Variants in DOCK8 observed in about 807,000 individuals in gnomAD.
DOCK8 encodes the protein dedicator of cytokinesis protein 8.
In DOCK8, 141 loss-of-function variants were observed where a neutral mutation model predicts 245.6. That is an observed-to-expected ratio of 0.57 (90% CI 0.50 to 0.66). The LOEUF is 0.66. Ranked by LOEUF, DOCK8 falls within the 30% of genes least tolerant of loss-of-function variation. The probability of loss-of-function intolerance (pLI) is 0.00; values close to 1 mark genes in which losing one functional copy is unlikely to be tolerated. For synonymous variants in DOCK8, 1,168 were observed against 970.2 expected, an observed-to-expected ratio of 1.20 and a Z score of -3.79; for missense variants, 2,965 against 2,603.4, an observed-to-expected ratio of 1.14 and a Z score of -3.02.
intron 42 of DOCK8, 32 bp downstream of exon 42, chr9:442,041 G>A (rs768416158): frequency 5.0e-6 from 8 of 1,612,602 alleles, no homozygotes; most frequent in South Asian, 1.1e-5. Context: ...GCCTGACCTG[G>A]TACACTTTAC....
chr9:277,345 A>G (rs868101219), intron 2 of DOCK8, among the ~76,000 whole-genome samples: 2 of 152,036 alleles, frequency 1.3e-5, no homozygotes, highest in Middle Eastern at 3.4e-3. Context: ...GGATCACTTG[A>G]ACTCAGGAGT....
intron 1 of DOCK8, chr9:268,286 A>T (rs1291561139): frequency 6.6e-6 from 1 of 152,202 alleles, no homozygotes; most frequent in African/African-American, 2.4e-5. Context: ...GTAGGGAGAG[A>T]AAATAGGAGT....
intron 28 of DOCK8, 139 bp downstream of exon 28, chr9:407,208 T>C (rs1202517677): frequency 1.5e-6 from 2 of 1,334,912 alleles, no homozygotes; most frequent in African/African-American, 2.9e-5. Context: ...ACATCTGTCT[T>C]GAGAATATGG....
In DOCK8 at chr9:307,329, GTTTTTTTTGTTTTTTTTTTTTTTTT is replaced by G. The variant is rs1215274095; in HGVS notation, c.528+2634_528+2658del. 3.7e-3 allele frequency among the ~76,000 whole-genome samples: 277 copies of G among 75,120 alleles called. 24 individuals carry two copies. Among genetic ancestry groups the G allele is most frequent in the South Asian group, 0.03 (55 of 1,840 alleles). 49.3% of individuals were successfully genotyped at this position (75,120 alleles called of 152,430 possible). A position where few individuals can be genotyped will look rare whatever the true frequency, so the allele number is the denominator to read the frequency against. On this transcript the variant is annotated intron_variant, in intron 5 of 47. Coordinates refer to ENST00000432829, the MANE Select transcript of DOCK8 (RefSeq NM_203447.4). ...AACTCAAGTCACTGTGTTGTGTGTG[GTTTTTTTTGTTTTTTTTTTTTTTTT>G]TTTTTTTTTTTTTTTTTTTTTTGAG...
At position 281,641 on chromosome 9, in the gene DOCK8, C is replaced by CTGTG. The variant is rs60099453; in HGVS notation, c.157-4798_157-4795dup. Among the ~76,000 whole-genome samples, 568 of 150,790 alleles carry CTGTG rather than the reference C, an allele frequency of 3.8e-3. 1 individual carries two copies. The highest frequency in any genetic ancestry group is 9.1e-3 in the African/African-American group (375 of 41,122). On this transcript the variant is annotated intron_variant, in intron 2 of 47. Coordinates refer to ENST00000432829, the MANE Select transcript of DOCK8 (RefSeq NM_203447.4). ...GATGTATGTATATATGTTTGTGTGC[C>CTGTG]TGTGTGTGTGTGTGTGTGTGTGTGT...
At chr9:365,568 A>G (rs918679232) in intron 14 of DOCK8, 2 of 453,226 alleles carry the variant, frequency 4.4e-6, no homozygotes, top group African/African-American at 4.1e-5. Context: ...ATCTGTTCAG[A>G]GAAGGCTTTT....
intron 1 of DOCK8, among the ~76,000 whole-genome samples, chr9:224,613 G>C (rs552870049): frequency 1.1e-3 from 164 of 152,252 alleles, no homozygotes; most frequent in Non-Finnish European, 2.0e-3. Context: ...TCAGGACACA[G>C]CCAAAACCTT....
At chr9:458,514 A>G (rs910695888) in intron 46 of DOCK8, 2 of 152,230 alleles carry the variant, frequency 1.3e-5, no homozygotes, top group African/African-American at 4.8e-5. Flanking sequence ...GGCTGTGCTG[A>G]AAAAGGGGGG....
intron 4 of DOCK8, among the ~76,000 whole-genome samples, chr9:303,001 G>A (rs1392884078): frequency 6.6e-6 from 1 of 151,406 alleles, no homozygotes; most frequent in Non-Finnish European, 1.5e-5. Context: ...AAAAGAAAAA[G>A]AAAAAGAAAA....
chr9:424,690 A>C (rs951722136), intron 33 of DOCK8, among the ~76,000 whole-genome samples: 3 of 152,188 alleles, frequency 2.0e-5, no homozygotes, highest in African/African-American at 7.2e-5. Flanking sequence ...GATTACAGGC[A>C]TGAGCCACTG....
chr9:416,108 CAG>C (rs1301302024), intron 29 of DOCK8, among the ~76,000 whole-genome samples: 6 of 152,018 alleles, frequency 3.9e-5, no homozygotes, highest in Non-Finnish European at 7.4e-5. Flanking sequence ...AAGGTTGAGA[CAG>C]GGGTTAGGGT....
chr9:325,179 A>AGT (rs1169804627), intron 7 of DOCK8, among the ~76,000 whole-genome samples: 3 of 152,212 alleles, frequency 2.0e-5, no homozygotes, highest in Non-Finnish European at 4.4e-5. Context: ...AGTATTCCAT[A>AGT]GTGTATAGAT....
At chr9:257,655 G>C (rs2047812025) in intron 1 of DOCK8, among the ~76,000 whole-genome samples, 1 of 152,188 alleles carries the variant, frequency 6.6e-6, no homozygotes, top group African/African-American at 2.4e-5. Context: ...GAGTAGCTGG[G>C]ATTACAGGCA....
At chr9:338,292 G>A (rs1346037049) in intron 12 of DOCK8, among the ~76,000 whole-genome samples, 1 of 152,136 alleles carries the variant, frequency 6.6e-6, no homozygotes, top group African/African-American at 2.4e-5. Flanking sequence ...CATTTAAAGG[G>A]GTTACATTAA....
intron 26 of DOCK8, among the ~76,000 whole-genome samples, chr9:403,896 A>G (rs374780905): frequency 1.2e-5 from 1 of 81,784 alleles, no homozygotes; most frequent in Admixed American, 1.3e-4. Context: ...CTCTCTCTAT[A>G]TATATATATA....
intron 14 of DOCK8, among the ~76,000 whole-genome samples, chr9:342,227 G>A (rs1300634369): frequency 6.6e-6 from 1 of 151,632 alleles, no homozygotes; most frequent in African/African-American, 2.4e-5. Flanking sequence ...AAAGGTTGAG[G>A]ATTGCTGCTC....
chr9:359,985 C>T (rs1042890159), intron 14 of DOCK8, among the ~76,000 whole-genome samples: 1 of 152,054 alleles, frequency 6.6e-6, no homozygotes, highest in Non-Finnish European at 1.5e-5. Flanking sequence ...TAGTAGTTTA[C>T]TATCAAAACA....
chr9:283,255 G>T (rs1284049310), intron 2 of DOCK8, among the ~76,000 whole-genome samples: 2 of 152,160 alleles, frequency 1.3e-5, no homozygotes, highest in Non-Finnish European at 2.9e-5. Context: ...TACAGGCTGA[G>T]CATCCCTAGT....
rs116861593 is a variant in DOCK8 at position 256,901 on chromosome 9, C to T, written c.54-14726C>T. Among the ~76,000 whole-genome samples the T allele has an allele frequency of 1.2e-3, 189 of 152,290 alleles. 4 individuals carry two copies. The East Asian group carries it at 0.034, about 27-fold the overall frequency. On this transcript the variant is annotated intron_variant, in intron 1 of 47. Transcript: ENST00000432829. Reference sequence around the variant, plus strand: ...AATACTTGAAAGAATAAATCAATGTCAGACATCTGGGCTTATGTCTCATCT... The same window carrying T: ...AATACTTGAAAGAATAAATCAATGTTAGACATCTGGGCTTATGTCTCATCT...
Sources: gnomAD v4.1 joint callset for allele counts (sites outside exome capture counted in the v4.1 genomes callset) on GRCh38, gnomAD v4.1.1 for gene constraint, MANE v1.5 for transcripts, NCBI Gene and HGNC (gene_info 2026-07-23, HGNC 2026-07-21) for gene names.